Variants in ZNF536 observed in about 807,000 individuals in gnomAD.
ZNF536 encodes the protein zinc finger protein 536.
A neutral mutation model predicts 84.5 loss-of-function variants in ZNF536; 13 were observed. The observed-to-expected ratio is 0.15, with a 90% CI of 0.10 to 0.24. The LOEUF is 0.24. Ranked by LOEUF, ZNF536 falls within the 10% of genes least tolerant of loss-of-function variation. The pLI is 1.00. For missense variants in ZNF536, 1,536 were observed against 1,747.5 expected, an observed-to-expected ratio of 0.88 and a Z score of 2.16; for synonymous variants, 811 against 742.5, an observed-to-expected ratio of 1.09 and a Z score of -1.50.
chr19:30,309,268 G>A (rs1169601210), intron 2 of ZNF536, among the ~76,000 whole-genome samples: 65 of 152,298 alleles, frequency 4.3e-4, no homozygotes, highest in Non-Finnish European at 1.2e-4. Context: ...TGGGGAAAGG[G>A]GGCAAAGACA....
intron 1 of ZNF536, among the ~76,000 whole-genome samples, chr19:30,396,209 G>C (rs987350018): frequency 6.6e-6 from 1 of 152,266 alleles, no homozygotes; most frequent in East Asian, 1.9e-4. Flanking sequence ...TTTAAGCAGA[G>C]GGTTGATTGG....
intron 1 of ZNF536, among the ~76,000 whole-genome samples, chr19:30,266,956 G>T (rs987754293): frequency 1.3e-5 from 2 of 152,190 alleles, no homozygotes; most frequent in Non-Finnish European, 2.9e-5. Flanking sequence ...GTGCAAATAT[G>T]CAGAAAGCTA....
rs1259126116 is a variant in ZNF536 at position 30,549,286 on chromosome 19, T to A, written c.3667T>A (p.Ser1223Thr). The change falls in exon 4 of 5, where the codon TCA becomes ACA. Residue 1223 changes from serine (S) to threonine (T), a missense_variant. Ser to Thr is a moderately conservative substitution (Grantham distance 58). Transcript: ENST00000355537. ...CTCCCAGCCCGTCCAGGGACTGGTC[T>A]CACCTTTATCCCAAGCACCGGAGAA... ...GTSQPVQGLVSPLSQAPEKQW... is the reference protein window; with the variant it reads ...GTSQPVQGLVTPLSQAPEKQW... 6.2e-7 allele frequency: 1 copy of A among 1,613,628 alleles called. No homozygotes were observed. Among genetic ancestry groups the A allele is most frequent in the Non-Finnish European group, 8.5e-7 (1 of 1,180,024 alleles).
intron 1 of ZNF536, among the ~76,000 whole-genome samples, chr19:30,701,466 AACACACACAG>A (rs1199466931): frequency 3.5e-4 from 46 of 131,984 alleles, no homozygotes; most frequent in African/African-American, 1.3e-3. Flanking sequence ...CAAACACACA[AACACACACAG>A]ACACACACAA....
intron 1 of ZNF536, among the ~76,000 whole-genome samples, chr19:30,431,001 A>G (rs1422617031): frequency 6.6e-6 from 1 of 152,150 alleles, no homozygotes; most frequent in Non-Finnish European, 1.5e-5. Flanking sequence ...TCAAAACACT[A>G]ATAGGTTGAA....
intron 1 of ZNF536, among the ~76,000 whole-genome samples, chr19:30,383,695 T>TCTTTC (rs780677284): frequency 7.5e-4 from 6 of 7,978 alleles, no homozygotes; most frequent in East Asian, 6.2e-3. Context: ...TTCCTTTCTT[T>TCTTTC]TCTTTCTCTT....
At chr19:30,394,444 T>A (rs1427449494) in intron 1 of ZNF536, among the ~76,000 whole-genome samples, 3 of 152,164 alleles carry the variant, frequency 2.0e-5, no homozygotes, top group Admixed American at 2.0e-4. Flanking sequence ...CCACTCCCAC[T>A]TCTCAGCTAC....
intron 1 of ZNF536, among the ~76,000 whole-genome samples, chr19:30,272,240 T>G (rs920918524): frequency 6.6e-6 from 1 of 152,172 alleles, no homozygotes; most frequent in Non-Finnish European, 1.5e-5. Context: ...TCCCAGAACT[T>G]TGTAAATTAT....
intron 2 of ZNF536, among the ~76,000 whole-genome samples, chr19:30,304,214 C>A (rs748150058): frequency 1.6e-4 from 25 of 152,320 alleles, no homozygotes; most frequent in Non-Finnish European, 3.4e-4. Flanking sequence ...AACTTTCGCA[C>A]AAACTTCCTG....
At chr19:30,657,079 T>C (rs77913793) in intron 1 of ZNF536, among the ~76,000 whole-genome samples, 3,080 of 152,122 alleles carry the variant, frequency 0.02, 104 homozygotes, top group African/African-American at 0.071. Flanking sequence ...GTGAAAAGTG[T>C]AGAAAGAATA....
intron 1 of ZNF536, among the ~76,000 whole-genome samples, chr19:30,589,739 G>C (rs1014708500): frequency 6.6e-6 from 1 of 152,150 alleles, no homozygotes; most frequent in Non-Finnish European, 1.5e-5. Flanking sequence ...AAGGAAGCTG[G>C]GGTGTTCATT....
At chr19:30,348,814 C>CT (rs5827705) in intron 2 of ZNF536, among the ~76,000 whole-genome samples, 23,470 of 132,576 alleles carry the variant, frequency 0.18, 2,206 homozygotes, top group African/African-American at 0.28. Context: ...TTTTTCTTTT[C>CT]TTTTTTTTTT....
chr19:30,469,150 C>T (rs2053532512), intron 2 of ZNF536, among the ~76,000 whole-genome samples: 1 of 152,172 alleles, frequency 6.6e-6, no homozygotes, highest in Non-Finnish European at 1.5e-5. Context: ...CACGGTAGCT[C>T]ACGCCTGTAA....
At position 30,673,795 on chromosome 19, in the gene ZNF536, C is replaced by A. The variant is rs554557133; in HGVS notation, c.170-36962C>A. On this transcript the variant is annotated intron_variant, in intron 1 of 1. Transcript: ENST00000592773. Reference sequence around the variant, plus strand: ...CCCCATGTTTATAGGTAAAATATTACTGGTGACCGACACACAGCCTTTTTC... The same window carrying A: ...CCCCATGTTTATAGGTAAAATATTAATGGTGACCGACACACAGCCTTTTTC... Among the ~76,000 whole-genome samples, 3 of 152,362 alleles carry A rather than the reference C, an allele frequency of 2.0e-5. No homozygotes were observed. In the South Asian group the frequency reaches 6.2e-4, roughly 32 times the overall value.
intron 1 of ZNF536, among the ~76,000 whole-genome samples, chr19:30,676,325 G>A (rs1568661572): frequency 6.6e-6 from 1 of 152,206 alleles, no homozygotes; most frequent in South Asian, 2.1e-4. Context: ...TGCCCATTGA[G>A]AGTCTATGGC....
At chr19:30,390,611 C>G (rs2049545203) in intron 1 of ZNF536, among the ~76,000 whole-genome samples, 1 of 152,254 alleles carries the variant, frequency 6.6e-6, no homozygotes, top group Non-Finnish European at 1.5e-5. Flanking sequence ...ATCCAGTCTT[C>G]TTGAGGTCTG....
At chr19:30,226,524 T>C (rs2022623432), upstream of ZNF536, among the ~76,000 whole-genome samples, 1 of 151,938 alleles carries the variant, frequency 6.6e-6, no homozygotes, top group Non-Finnish European at 1.5e-5. This position sits in a 1 kb window ranked among gnomAD's most constrained non-coding sequence, Gnocchi z 4.6. Context: ...CTGGCCAGGC[T>C]GAGGCCGGAG....
intron 2 of ZNF536, among the ~76,000 whole-genome samples, chr19:30,312,928 G>A (rs954388941): frequency 6.6e-6 from 1 of 152,210 alleles, no homozygotes; most frequent in African/African-American, 2.4e-5. Context: ...ATTTGCTCTG[G>A]CCCTTTGCAG....
At chr19:30,524,000 C>T (rs1002099503) in intron 2 of ZNF536, among the ~76,000 whole-genome samples, 1 of 152,258 alleles carries the variant, frequency 6.6e-6, no homozygotes, top group Non-Finnish European at 1.5e-5. Context: ...GGCACAGAGG[C>T]ATTGTGACCT....
Sources: gnomAD v4.1 joint callset for allele counts (sites outside exome capture counted in the v4.1 genomes callset) on GRCh38, gnomAD v4.1.1 for gene constraint, Gnocchi (gnomAD v3.1) non-coding constraint, MANE v1.5 for transcripts, NCBI Gene and HGNC (gene_info 2026-07-23, HGNC 2026-07-21) for gene names.